The following ANKRD6 variants were observed in gnomAD, a reference collection of about 807,000 sequenced individuals.
ANKRD6 encodes the protein ankyrin repeat domain 6, also known as ankyrin repeat domain-containing protein 6.
Under a neutral mutation model 82.3 loss-of-function variants are expected in ANKRD6, and 56 were observed. The observed-to-expected ratio is 0.68, with a 90% confidence interval of 0.55 to 0.85. ANKRD6 has a LOEUF of 0.85. ANKRD6 is among the 40% of genes least tolerant of loss of function. The pLI is 0.00. For missense variants in ANKRD6, 852 were observed against 907.6 expected, an observed-to-expected ratio of 0.94 and a Z score of 0.79; for synonymous variants, 347 against 352.1, an observed-to-expected ratio of 0.99 and a Z score of 0.16.
At chr6:89,443,337 A>G (rs1357263123) in intron 1 of ANKRD6, among the ~76,000 whole-genome samples, 4 of 152,176 alleles carry the variant, frequency 2.6e-5, no homozygotes, top group African/African-American at 4.8e-5. Context: ...GCTTAAATGT[A>G]AGAATAATCT....
At chr6:89,456,828 C>T (rs996652354) in intron 1 of ANKRD6, among the ~76,000 whole-genome samples, 2 of 152,212 alleles carry the variant, frequency 1.3e-5, no homozygotes, top group African/African-American at 2.4e-5. Flanking sequence ...TAAAATTATG[C>T]TCCAGTTACT....
chr6:89,578,786 A>G (rs1447316447), intron 2 of ANKRD6, among the ~76,000 whole-genome samples: 3 of 152,180 alleles, frequency 2.0e-5, no homozygotes. Flanking sequence ...TATCGCTGAG[A>G]TACCAATAAG....
chr6:89,479,218 G>A (rs1776475804), intron 1 of ANKRD6, among the ~76,000 whole-genome samples: 1 of 152,154 alleles, frequency 6.6e-6, no homozygotes, highest in Admixed American at 6.5e-5. Context: ...ATTTCCCGGG[G>A]ATGTATCACT....
At chr6:89,614,322 T>C (rs1563075949) in intron 7 of ANKRD6, among the ~76,000 whole-genome samples, 1 of 151,858 alleles carries the variant, frequency 6.6e-6, no homozygotes, top group Non-Finnish European at 1.5e-5. Context: ...CCGGGCAACA[T>C]AGCGAGACCC....
intron 1 of ANKRD6, among the ~76,000 whole-genome samples, chr6:89,555,649 A>C (rs1204913025): frequency 6.6e-6 from 1 of 152,170 alleles, no homozygotes; most frequent in Admixed American, 6.5e-5. Context: ...ATTCTAAGCA[A>C]AAATGACATG....
intron 8 of ANKRD6, among the ~76,000 whole-genome samples, chr6:89,617,597 C>A (rs1160227733): frequency 6.6e-6 from 1 of 152,214 alleles, no homozygotes; most frequent in East Asian, 1.9e-4. Context: ...CTGAAACATT[C>A]CCCCTGGATG....
intron 1 of ANKRD6, among the ~76,000 whole-genome samples, chr6:89,493,150 C>G (rs1298356333): frequency 6.6e-6 from 1 of 152,166 alleles, no homozygotes; most frequent in Non-Finnish European, 1.5e-5. Context: ...TTACCACAAA[C>G]TTGGTGGGTG....
At chr6:89,486,835 C>A (rs1777435066) in intron 1 of ANKRD6, among the ~76,000 whole-genome samples, 2 of 152,110 alleles carry the variant, frequency 1.3e-5, no homozygotes, top group African/African-American at 4.8e-5. Flanking sequence ...AGAAAGGAAG[C>A]AAGCTCTCTT....
intron 1 of ANKRD6, among the ~76,000 whole-genome samples, chr6:89,507,378 A>G (rs1407809912): frequency 6.6e-6 from 1 of 152,258 alleles, no homozygotes; most frequent in Non-Finnish European, 1.5e-5. Flanking sequence ...AATAGCAAGG[A>G]AAGCACAAAC....
chr6:89,626,854 C>T (rs1805846332), intron 13 of ANKRD6, among the ~76,000 whole-genome samples: 1 of 152,238 alleles, frequency 6.6e-6, no homozygotes, highest in Non-Finnish European at 1.5e-5. Context: ...GTTCCTTCTA[C>T]ACTCTTCTTA....
At chr6:89,439,008 A>G (rs1204735795) in intron 1 of ANKRD6, among the ~76,000 whole-genome samples, 2 of 152,152 alleles carry the variant, frequency 1.3e-5, no homozygotes, top group East Asian at 3.8e-4. Flanking sequence ...ATATATGTAT[A>G]TACACTGTAT....
intron 11 of ANKRD6, 27 bp downstream of exon 11, chr6:89,623,571 A>AG: frequency 6.4e-7 from 1 of 1,566,950 alleles, no homozygotes; most frequent in South Asian, 1.2e-5. Context: ...AGCAGCCCAG[A>AG]GGGGTGGCTG....
intron 1 of ANKRD6, among the ~76,000 whole-genome samples, chr6:89,459,873 A>C (rs115279763): frequency 1.1e-3 from 166 of 152,150 alleles, no homozygotes; most frequent in African/African-American, 3.8e-3. Flanking sequence ...CTTTCCATAA[A>C]CATTTACTCT....
intron 1 of ANKRD6, among the ~76,000 whole-genome samples, chr6:89,530,196 A>G (rs1379343958): frequency 3.3e-5 from 5 of 152,156 alleles, no homozygotes; most frequent in Non-Finnish European, 2.9e-5. Context: ...TTGAGGCTGC[A>G]GTGAGCTGTG....
chr6:89,518,882 G>C (rs924512977), intron 1 of ANKRD6, among the ~76,000 whole-genome samples: 2 of 152,190 alleles, frequency 1.3e-5, no homozygotes, highest in African/African-American at 4.8e-5. Flanking sequence ...CACACTCCCA[G>C]AGGCTAAAAT....
intron 1 of ANKRD6, among the ~76,000 whole-genome samples, chr6:89,473,276 C>T (rs1038695200): frequency 2.6e-5 from 4 of 151,690 alleles, no homozygotes; most frequent in African/African-American, 7.3e-5. Context: ...CCAGGCATGG[C>T]GGCGTATGCC....
intron 1 of ANKRD6, among the ~76,000 whole-genome samples, chr6:89,475,362 G>GT (rs754238834): frequency 9.2e-5 from 14 of 152,092 alleles, no homozygotes; most frequent in Non-Finnish European, 2.1e-4. Context: ...AAATTAAATA[G>GT]TTGCCATATT....
At position 89,566,862 on chromosome 6, in the gene ANKRD6, A is replaced by G. The variant is rs1293056500; in HGVS notation, c.-115A>G. The G allele has an allele frequency of 1.4e-6, 2 of 1,399,952 alleles. No individual in the cohort carries two copies. Among genetic ancestry groups the G allele is most frequent in the Admixed American group, 2.3e-5 (1 of 44,342 alleles). The allele number at this position is 1,399,952 out of a possible 1,614,324, so 86.7% of individuals were successfully genotyped here. A position where few individuals can be genotyped will look rare whatever the true frequency, so the allele number is the denominator to read the frequency against. ...CCGAAGATGGCATATTCATAAAGACATCTTCTGATGATTGTGAACATCTTT... is the reference window on the plus strand; with the variant it reads ...CCGAAGATGGCATATTCATAAAGACGTCTTCTGATGATTGTGAACATCTTT... On this transcript the variant is annotated 5_prime_UTR_variant, in exon 2 of 16. Transcript: ENST00000339746.
intron 7 of ANKRD6, among the ~76,000 whole-genome samples, chr6:89,615,292 GT>G (rs1444684868): frequency 6.6e-6 from 1 of 152,182 alleles, no homozygotes; most frequent in African/African-American, 2.4e-5. Flanking sequence ...AGTTGAAAGA[GT>G]CAGAACCTCT....
Sources: gnomAD v4.1 joint callset for allele counts (sites outside exome capture counted in the v4.1 genomes callset) on GRCh38, gnomAD v4.1.1 for gene constraint, MANE v1.5 for transcripts, NCBI Gene and HGNC (gene_info 2026-07-23, HGNC 2026-07-21) for gene names.